The following CKAP2L variants were observed in gnomAD, a reference collection of about 807,000 sequenced individuals.
CKAP2L encodes cytoskeleton-associated protein 2-like.
Under a neutral mutation model 65.7 loss-of-function variants are expected in CKAP2L, and 42 were observed. The ratio of observed to expected loss-of-function variants is 0.64; its 90% CI spans 0.50 to 0.83. CKAP2L has a LOEUF of 0.83. CKAP2L is among the 40% of genes least tolerant of loss of function. The probability of loss-of-function intolerance (pLI) is 0.00; values close to 1 mark genes in which losing one functional copy is unlikely to be tolerated. For missense variants in CKAP2L, 908 were observed against 871.0 expected, an observed-to-expected ratio of 1.04 and a Z score of -0.53; for synonymous variants, 325 against 313.5, an observed-to-expected ratio of 1.04 and a Z score of -0.39.
At chr2:112,746,795 A>AT (rs904233136) in intron 5 of CKAP2L, among the ~76,000 whole-genome samples, 94 of 149,872 alleles carry the variant, frequency 6.3e-4, no homozygotes, top group Admixed American at 2.4e-3. Flanking sequence ...AATAATTATT[A>AT]TTTTTTTTTT....
chr2:112,758,523 T>C (rs1680612198), intron 3 of CKAP2L, among the ~76,000 whole-genome samples: 1 of 152,130 alleles, frequency 6.6e-6, no homozygotes, highest in African/African-American at 2.4e-5. Flanking sequence ...GTGTGTGGTG[T>C]TACTAGGAGT....
At chr2:112,746,282 G>A in intron 6 of CKAP2L, 138 bp downstream of exon 6, 1 of 572,334 alleles carries the variant, frequency 1.7e-6, no homozygotes, top group South Asian at 5.3e-5. Context: ...ATATTTTTAA[G>A]TTCTTTATGG....
intron 2 of CKAP2L, among the ~76,000 whole-genome samples, chr2:112,761,732 A>G (rs979332532): frequency 2.6e-5 from 4 of 152,184 alleles, no homozygotes; most frequent in Non-Finnish European, 5.9e-5. Flanking sequence ...CTACAGCATA[A>G]GCCCTGGGAG....
intron 5 of CKAP2L, among the ~76,000 whole-genome samples, chr2:112,747,065 A>C (rs1680225401): frequency 6.6e-6 from 1 of 150,540 alleles, no homozygotes; most frequent in South Asian, 2.1e-4. Flanking sequence ...CTGGGATTAC[A>C]GGCATGAGCC....
At position 112,746,407 on chromosome 2, in the gene CKAP2L, G is replaced by A. The variant is rs1680201553; in HGVS notation, c.1758+13C>T. ...GAATTTTAAGAAGTTACCCACCCAA[G>A]ACAGATACTCACTGTTGCCCCATTT... On this transcript the variant is annotated intron_variant, in intron 6 of 8. Transcript: ENST00000302450. 1.2e-6 allele frequency: 2 copies of A among 1,601,622 alleles called. No homozygotes were observed. The highest frequency in any genetic ancestry group is 1.7e-5 in the Admixed American group (1 of 59,290).
intron 6 of CKAP2L, among the ~76,000 whole-genome samples, chr2:112,743,216 C>T (rs1182460965): frequency 6.6e-6 from 1 of 152,142 alleles, no homozygotes; most frequent in Non-Finnish European, 1.5e-5. Flanking sequence ...GATCTCGGCT[C>T]ATTGCAAGCT....
chr2:112,755,670 A>G (rs1680508663), intron 4 of CKAP2L, among the ~76,000 whole-genome samples: 1 of 151,974 alleles, frequency 6.6e-6, no homozygotes, highest in Non-Finnish European at 1.5e-5. Flanking sequence ...CACGGCACTT[A>G]TTGAACGAGT....
chr2:112,741,550 A>G (rs1679965921), intron 7 of CKAP2L, among the ~76,000 whole-genome samples: 1 of 152,252 alleles, frequency 6.6e-6, no homozygotes, highest in African/African-American at 2.4e-5. Context: ...CACTGTGGCT[A>G]GAGGCTGACA....
At chr2:112,763,236 C>A (rs1330211116) in intron 1 of CKAP2L, among the ~76,000 whole-genome samples, 1 of 152,116 alleles carries the variant, frequency 6.6e-6, no homozygotes, top group African/African-American at 2.4e-5. Context: ...CCCTGGAGCT[C>A]ACAGCCACTG....
At chr2:112,745,374 A>T (rs2104866703) in intron 6 of CKAP2L, among the ~76,000 whole-genome samples, 1 of 152,044 alleles carries the variant, frequency 6.6e-6, no homozygotes, top group Admixed American at 6.6e-5. Context: ...ATGGCTCAAC[A>T]TATTCATGTA....
At chr2:112,742,444 C>A in intron 7 of CKAP2L, 1 of 717,706 alleles carries the variant, frequency 1.4e-6, no homozygotes, top group East Asian at 2.7e-5. Context: ...TGTCTTCTGC[C>A]ATCTAGGATT....
In CKAP2L at chr2:112,737,275, C is replaced by T. The variant is rs1282447462; in HGVS notation, c.*1548G>A. On this transcript the variant is annotated 3_prime_UTR_variant, in exon 9 of 9. Coordinates refer to ENST00000302450, the MANE Select transcript of CKAP2L (RefSeq NM_152515.5). ...CTCAGAAGAGGGTCAGATAACAGTT[C>T]TATTTTTAATTTCTTTAGGAGCCTC... 6.6e-6 allele frequency: 1 copy of T among 152,074 alleles called. No homozygotes were observed. The highest frequency in any genetic ancestry group is 1.5e-5 in the Non-Finnish European group (1 of 68,004). 9.4% of individuals were successfully genotyped at this position (152,074 alleles called of 1,614,324 possible).
chr2:112,751,358 T>C (rs1425833182), intron 5 of CKAP2L, among the ~76,000 whole-genome samples: 1 of 152,198 alleles, frequency 6.6e-6, no homozygotes, highest in African/African-American at 2.4e-5. Flanking sequence ...CTATACTGTA[T>C]GGACATGCAT....
chr2:112,755,981 G>C lies in CKAP2L; in HGVS notation c.1390C>G (p.Arg464Gly), dbSNP rs1404518230. The part of the protein sequence containing the change: ...NIKKKATAED[R>G]RKQLEEWQKS... ...CTTAGAATTAAAGCAAAGTACCTTC[G>C]ATCCTCTGCTGTTGCCTTCTTTTTA... Residue 464 changes from arginine to glycine, a missense_variant, in exon 4 of 9, where the codon CGA (arginine) becomes GGA (glycine). By Grantham distance (125) the Arg-to-Gly change is moderately radical. Coordinates refer to ENST00000302450, the MANE Select transcript of CKAP2L (RefSeq NM_152515.5). The C allele has an allele frequency of 2.6e-6, 4 of 1,563,426 alleles. No individual in the cohort carries two copies. The African/African-American group carries it at 5.5e-5, about 22-fold the overall frequency.
At chr2:112,742,442 G>A in intron 7 of CKAP2L, 1 of 717,674 alleles carries the variant, frequency 1.4e-6, no homozygotes, top group Non-Finnish European at 2.6e-6. Context: ...TTTGTCTTCT[G>A]CCATCTAGGA....
At chr2:112,740,275 T>C (rs1679824010) in intron 8 of CKAP2L, among the ~76,000 whole-genome samples, 2 of 152,182 alleles carry the variant, frequency 1.3e-5, no homozygotes, top group Non-Finnish European at 2.9e-5. Context: ...CAAAGAACTG[T>C]TGTCTTGGTG....
At chr2:112,742,899 T>A in intron 6 of CKAP2L, 130 bp from the exon 7 acceptor site, 1 of 621,196 alleles carries the variant, frequency 1.6e-6, no homozygotes, top group Non-Finnish European at 2.8e-6. Context: ...ACTATAAATC[T>A]TTTGTCTAGC....
chr2:112,752,494 A>G lies in CKAP2L; in HGVS notation c.1395-20T>C. On this transcript the variant is annotated intron_variant, in intron 4 of 8. Coordinates refer to ENST00000302450, the MANE Select transcript of CKAP2L (RefSeq NM_152515.5). ...TGTTTCCTGAAATTCAATTAAAGGG[A>G]GAGTGGTTTTATTTATTTTTAAACA... 6.7e-7 allele frequency: 1 copy of G among 1,486,664 alleles called. No homozygotes were observed. Among genetic ancestry groups the G allele is most frequent in the Non-Finnish European group, 9.3e-7 (1 of 1,080,012 alleles). 92.1% of individuals were successfully genotyped at this position (1,486,664 alleles called of 1,614,324 possible).
rs1491486738 is a variant in CKAP2L at position 112,757,305 on chromosome 2, AAT to A, written c.157-93_157-92del. Reference sequence around the variant, plus strand: ...ACTGTGTTTAACACATGCTAAAAAAAATAATCATTTTTAGAATTTCATCTAAG... The same window carrying A: ...ACTGTGTTTAACACATGCTAAAAAAAAATCATTTTTAGAATTTCATCTAAG... On this transcript the variant is annotated intron_variant, in intron 3 of 8. Transcript: ENST00000302450. 1,942 of 889,756 alleles carry A rather than the reference AAT, an allele frequency of 2.2e-3. 4 individuals are homozygous for A. Among genetic ancestry groups the A allele is most frequent in the South Asian group, 2.7e-3 (129 of 47,574 alleles). 55.1% of individuals were successfully genotyped at this position (889,756 alleles called of 1,614,324 possible).
Sources: gnomAD v4.1 joint callset for allele counts (sites outside exome capture counted in the v4.1 genomes callset) on GRCh38, gnomAD v4.1.1 for gene constraint, MANE v1.5 for transcripts, NCBI Gene and HGNC (gene_info 2026-07-23, HGNC 2026-07-21) for gene names.